The following ARB2A variants were observed in gnomAD, a reference collection of about 807,000 sequenced individuals.
ARB2A encodes the protein ARB2 cotranscriptional regulator A.
chr5:94,005,653 A>G, the ARB2A span, among the ~76,000 whole-genome samples: 2 of 152,262 alleles, frequency 1.3e-5, no homozygotes. Context: ...AAGAACTAGT[A>G]TCTATAATAC....
At chr5:93,837,200 G>T in the ARB2A span, among the ~76,000 whole-genome samples, 1 of 152,096 alleles carries the variant, frequency 6.6e-6, no homozygotes, top group Non-Finnish European at 1.5e-5. Context: ...ACTTATAGGT[G>T]AGAACATATG....
the ARB2A span, among the ~76,000 whole-genome samples, chr5:93,745,208 G>A: frequency 1.3e-5 from 2 of 152,164 alleles, no homozygotes; most frequent in Non-Finnish European, 2.9e-5. Flanking sequence ...CATCCTTGTA[G>A]GGTTTGGTTC....
chr5:93,920,877 G>A, the ARB2A span, among the ~76,000 whole-genome samples: 7 of 152,130 alleles, frequency 4.6e-5, no homozygotes, highest in South Asian at 4.1e-4. Flanking sequence ...TAATCTGTGC[G>A]AGCAGTTGTC....
the ARB2A span, among the ~76,000 whole-genome samples, chr5:93,808,874 A>G: frequency 1.5e-3 from 230 of 152,132 alleles, no homozygotes; most frequent in African/African-American, 5.4e-3. Context: ...AGAGCCTTTT[A>G]TAAGTTAAAA....
the ARB2A span, among the ~76,000 whole-genome samples, chr5:93,905,720 C>T: frequency 6.6e-6 from 1 of 151,384 alleles, no homozygotes; most frequent in African/African-American, 2.4e-5. Flanking sequence ...TCAATCTCTT[C>T]GCCTAGTAGT....
At chr5:93,995,211 G>C in the ARB2A span, among the ~76,000 whole-genome samples, 1 of 152,140 alleles carries the variant, frequency 6.6e-6, no homozygotes, top group Non-Finnish European at 1.5e-5. Flanking sequence ...GTAAGCTCAC[G>C]TGTTGTGAGT....
At chr5:93,800,336 A>G in the ARB2A span, among the ~76,000 whole-genome samples, 1 of 151,648 alleles carries the variant, frequency 6.6e-6, no homozygotes, top group Admixed American at 6.6e-5. Flanking sequence ...TTAAAAATCA[A>G]TACCTTTAGC....
the ARB2A span, among the ~76,000 whole-genome samples, chr5:93,882,764 T>C: frequency 1.3e-5 from 2 of 151,422 alleles, no homozygotes; most frequent in Admixed American, 1.3e-4. Context: ...ATTTAAAAGA[T>C]GTATGATATT....
chr5:93,655,887 T>C, the ARB2A span, among the ~76,000 whole-genome samples: 3 of 152,228 alleles, frequency 2.0e-5, no homozygotes, highest in Non-Finnish European at 4.4e-5. Context: ...CATTATCCTG[T>C]TAAATGTTTG....
the ARB2A span, among the ~76,000 whole-genome samples, chr5:93,847,794 A>T: frequency 6.6e-6 from 1 of 152,214 alleles, no homozygotes; most frequent in Non-Finnish European, 1.5e-5. Context: ...CACTTATTCC[A>T]GGCTAAAATA....
the ARB2A span, among the ~76,000 whole-genome samples, chr5:93,627,447 T>TG: frequency 1.3e-5 from 2 of 148,406 alleles, no homozygotes; most frequent in African/African-American, 5.1e-5. Context: ...TGTTTTGTTT[T>TG]TTTTTTTTTT....
the ARB2A span, among the ~76,000 whole-genome samples, chr5:93,855,625 C>T: frequency 6.6e-6 from 1 of 152,084 alleles, no homozygotes; most frequent in Non-Finnish European, 1.5e-5. Context: ...TTTAGTGCTT[C>T]CTTCAGGAGC....
chr5:94,061,011 G>A, the ARB2A span, among the ~76,000 whole-genome samples: 1 of 152,190 alleles, frequency 6.6e-6, no homozygotes, highest in Admixed American at 6.5e-5. Flanking sequence ...GGCCGAGACA[G>A]GTGGATCACG....
the ARB2A span, chr5:93,620,467 C>T: frequency 6.9e-6 from 1 of 145,388 alleles, no homozygotes; most frequent in African/African-American, 2.6e-5. Context: ...GTGTGTGGAA[C>T]TTCCTTAAAA....
the ARB2A span, among the ~76,000 whole-genome samples, chr5:93,918,430 C>CTTTTTTTTTTTTTTTTTTTTT: frequency 2.8e-5 from 3 of 107,354 alleles, no homozygotes; most frequent in Non-Finnish European, 3.9e-5. Context: ...TTCCAAATTT[C>CTTTTTTTTTTTTTTTTTTTTT]TTTTTTTTTT....
the ARB2A span, chr5:93,738,776 CA>C: frequency 6.6e-6 from 1 of 152,036 alleles, no homozygotes; most frequent in African/African-American, 2.4e-5. Flanking sequence ...GAAAGGTTAC[CA>C]GGGGTAGGGG....
the ARB2A span, among the ~76,000 whole-genome samples, chr5:93,898,456 C>A: frequency 6.6e-6 from 1 of 151,996 alleles, no homozygotes; most frequent in Non-Finnish European, 1.5e-5. Context: ...TACCCCTATT[C>A]TCTTTCATTC....
chr5:94,109,047 G>A, the ARB2A span, among the ~76,000 whole-genome samples: 1 of 152,148 alleles, frequency 6.6e-6, no homozygotes, highest in Non-Finnish European at 1.5e-5. Context: ...TGAATGAATG[G>A]ATAAACAAAA....
chr5:94,041,245 T>C, the ARB2A span, among the ~76,000 whole-genome samples: 1 of 151,754 alleles, frequency 6.6e-6, no homozygotes, highest in Non-Finnish European at 1.5e-5. Flanking sequence ...TGTCCTTCTG[T>C]ATTGTCTGTC....
Sources: gnomAD v4.1 joint callset for allele counts (sites outside exome capture counted in the v4.1 genomes callset) on GRCh38, gnomAD v4.1.1 for gene constraint, MANE v1.5 for transcripts, NCBI Gene and HGNC (gene_info 2026-07-23, HGNC 2026-07-21) for gene names.